Variants in PRR33 observed in about 807,000 individuals in gnomAD.
The protein encoded by PRR33 is proline-rich protein 33.
PRR33 carries 1 observed loss-of-function variant against 0.5 expected under a neutral mutation model. That is an observed-to-expected ratio of 2.18 (90% CI 0.77 to 10.34). PRR33 has a LOEUF of 10.34. PRR33 is among the 30% of genes most tolerant of loss of function. PRR33 has a pLI of 0.13. For synonymous variants in PRR33, 226 were observed against 110.0 expected, an observed-to-expected ratio of 2.06 and a Z score of -6.60; for missense variants, 552 against 251.8, an observed-to-expected ratio of 2.19 and a Z score of -8.07.
chr11:1,910,815 T>C, the PRR33 span, among the ~76,000 whole-genome samples: 45 of 152,214 alleles, frequency 3.0e-4, no homozygotes, highest in Non-Finnish European at 2.1e-4. Context: ...CACTTTGCAG[T>C]TTTAATTTGG....
upstream of PRR33, among the ~76,000 whole-genome samples, chr11:1,893,043 G>A (rs527721467): frequency 6.7e-5 from 10 of 149,498 alleles, no homozygotes; most frequent in Admixed American, 6.0e-4. Flanking sequence ...GGATAAGCAG[G>A]TGAATGGATG....
At chr11:1,912,913 A>T in the PRR33 span, among the ~76,000 whole-genome samples, 1 of 151,758 alleles carries the variant, frequency 6.6e-6, no homozygotes, top group African/African-American at 2.4e-5. Flanking sequence ...CGGCCAACAC[A>T]GCAGCAATAT....
the PRR33 span, among the ~76,000 whole-genome samples, chr11:1,913,172 C>G: frequency 2.0e-5 from 3 of 152,002 alleles, no homozygotes; most frequent in Non-Finnish European, 1.5e-5. Flanking sequence ...GCTCTGTCGC[C>G]CAGGCTGGAG....
the PRR33 span, among the ~76,000 whole-genome samples, chr11:1,907,112 T>C: frequency 1.9e-4 from 29 of 152,364 alleles, no homozygotes; most frequent in East Asian, 5.6e-3. Context: ...TGTTGTGTAT[T>C]TTGTCTGTTC....
chr11:1,900,468 A>C, the PRR33 span, among the ~76,000 whole-genome samples: 1 of 152,292 alleles, frequency 6.6e-6, no homozygotes, highest in East Asian at 1.9e-4. Flanking sequence ...ATGACATTAC[A>C]CTAAAGTTAT....
chr11:1,912,078 G>C, the PRR33 span, among the ~76,000 whole-genome samples: 2 of 151,448 alleles, frequency 1.3e-5, no homozygotes, highest in Non-Finnish European at 2.9e-5. Context: ...AGGGTGAGGT[G>C]GGGGAGATCG....
chr11:1,889,919 C>G (rs972296296), exon 1 of PRR33: 1 of 627,710 alleles, frequency 1.6e-6, no homozygotes, highest in African/African-American at 1.8e-5. Flanking sequence ...CCACTGGGAC[C>G]AGGGGCTGGG....
chr11:1,912,681 C>T, the PRR33 span, among the ~76,000 whole-genome samples: 23 of 151,782 alleles, frequency 1.5e-4, no homozygotes, highest in Admixed American at 3.3e-4. Context: ...CACGGCTCAC[C>T]GCAACCTCCG....
chr11:1,911,171 G>T, the PRR33 span, among the ~76,000 whole-genome samples: 4 of 152,120 alleles, frequency 2.6e-5, no homozygotes, highest in Non-Finnish European at 4.4e-5. Context: ...CTAGCCGGGC[G>T]CAGTGGCTCA....
the PRR33 span, among the ~76,000 whole-genome samples, chr11:1,905,989 ATT>A: frequency 2.2e-4 from 28 of 129,536 alleles, no homozygotes; most frequent in Admixed American, 2.4e-4. Flanking sequence ...CAGCTAAAGT[ATT>A]TTTTTTTTTT....
chr11:1,907,290 G>C, the PRR33 span, among the ~76,000 whole-genome samples: 3 of 152,228 alleles, frequency 2.0e-5, no homozygotes, highest in African/African-American at 7.2e-5. Context: ...ACAGAAACTT[G>C]AAATGGTGAA....
chr11:1,909,570 C>G, the PRR33 span, among the ~76,000 whole-genome samples: 4 of 152,180 alleles, frequency 2.6e-5, no homozygotes, highest in African/African-American at 7.2e-5. Context: ...AAGATCATCA[C>G]TGCACTCCAG....
At chr11:1,888,012 C>A (rs1011801151), downstream of PRR33, among the ~76,000 whole-genome samples, 1 of 152,194 alleles carries the variant, frequency 6.6e-6, no homozygotes, top group Non-Finnish European at 1.5e-5. Context: ...CCTGTCCCAG[C>A]CGAGAGCGAT....
the PRR33 span, among the ~76,000 whole-genome samples, chr11:1,899,979 C>T: frequency 6.6e-6 from 1 of 151,930 alleles, no homozygotes; most frequent in Non-Finnish European, 1.5e-5. Context: ...GCAGACCAAA[C>T]ATTGGTCGTA....
At chr11:1,913,820 C>T in the PRR33 span, among the ~76,000 whole-genome samples, 3 of 152,276 alleles carry the variant, frequency 2.0e-5, no homozygotes, top group South Asian at 2.1e-4. Context: ...CCTCACCCCG[C>T]GCTCTGCGGT....
chr11:1,909,326 G>A, the PRR33 span, among the ~76,000 whole-genome samples: 1 of 151,924 alleles, frequency 6.6e-6, no homozygotes, highest in South Asian at 2.1e-4. Context: ...AAATACAGAA[G>A]TTGGGGCCGG....
the PRR33 span, among the ~76,000 whole-genome samples, chr11:1,909,099 A>T: frequency 6.6e-6 from 1 of 152,224 alleles, no homozygotes; most frequent in African/African-American, 2.4e-5. Context: ...AAGAAAGACA[A>T]CATGGCTGGG....
chr11:1,914,581 T>C, the PRR33 span, among the ~76,000 whole-genome samples: 1 of 131,564 alleles, frequency 7.6e-6, no homozygotes, highest in Non-Finnish European at 1.6e-5. Flanking sequence ...GGGATGTTGC[T>C]CTGTGTGTGT....
chr11:1,909,739 C>T, the PRR33 span, among the ~76,000 whole-genome samples: 1 of 150,494 alleles, frequency 6.6e-6, no homozygotes, highest in African/African-American at 2.4e-5. Flanking sequence ...GTGGTGGTGT[C>T]ATTGCACTCC....
Sources: allele counts gnomAD v4.1 joint callset (sites outside exome capture counted in the v4.1 genomes callset), GRCh38; gene constraint gnomAD v4.1.1; transcripts MANE v1.5; gene names NCBI Gene and HGNC (gene_info 2026-07-23, HGNC 2026-07-21).